PDE1C: variants seen among roughly 807,000 people sequenced by gnomAD.
PDE1C encodes phosphodiesterase 1C.
In PDE1C, 62 loss-of-function variants were observed where a neutral mutation model predicts 93.1. The observed-to-expected ratio is 0.67, with a 90% confidence interval of 0.54 to 0.82. The LOEUF is 0.82. Ranked by LOEUF, PDE1C falls within the 40% of genes least tolerant of loss-of-function variation. The probability of loss-of-function intolerance (pLI) is 0.00; values close to 1 mark genes in which losing one functional copy is unlikely to be tolerated. For missense variants in PDE1C, 742 were observed against 884.6 expected, an observed-to-expected ratio of 0.84 and a Z score of 2.04; for synonymous variants, 325 against 310.1, an observed-to-expected ratio of 1.05 and a Z score of -0.50.
At chr7:31,786,061 T>G (rs1392399619) in intron 16 of PDE1C, 1 of 152,232 alleles carries the variant, frequency 6.6e-6, no homozygotes, top group African/African-American at 2.4e-5. Flanking sequence ...AACATCTAAC[T>G]TTGCCATGGT....
At chr7:31,909,287 A>C (rs1286081803) in intron 2 of PDE1C, among the ~76,000 whole-genome samples, 1 of 152,176 alleles carries the variant, frequency 6.6e-6, no homozygotes, top group Non-Finnish European at 1.5e-5. Context: ...CTAACGAAAA[A>C]CAATTTTAAA....
intron 1 of PDE1C, among the ~76,000 whole-genome samples, chr7:32,246,946 T>A (rs10447633): frequency 0.16 from 25,056 of 152,194 alleles, 2,262 homozygotes; most frequent in East Asian, 0.3. Flanking sequence ...GCTGAAGGGA[T>A]AAATAAAATA....
chr7:31,633,938 C>G, the PDE1C span, among the ~76,000 whole-genome samples: 1 of 152,202 alleles, frequency 6.6e-6, no homozygotes, highest in African/African-American at 2.4e-5. Context: ...TCTGTGAACT[C>G]AGACTATTTT....
chr7:32,404,133 T>C (rs117213341), intron 1 of PDE1C, among the ~76,000 whole-genome samples: 2,472 of 152,262 alleles, frequency 0.016, 28 homozygotes, highest in Non-Finnish European at 0.024. Flanking sequence ...CTTGGGCATG[T>C]TCCTTAAGCT....
chr7:31,935,318 A>T (rs1804888353), intron 2 of PDE1C, among the ~76,000 whole-genome samples: 2 of 152,136 alleles, frequency 1.3e-5, no homozygotes, highest in Admixed American at 1.3e-4. Context: ...GGCATTCTCC[A>T]TTTCCTTTAC....
intron 1 of PDE1C, among the ~76,000 whole-genome samples, chr7:32,233,279 C>A (rs7786785): frequency 1 from 152,112 of 152,298 alleles, 75,964 homozygotes; most frequent in Middle Eastern, 1. Flanking sequence ...CGAGAAACAA[C>A]AAATAGAGTG....
chr7:32,022,369 A>C (rs965276903), intron 2 of PDE1C, among the ~76,000 whole-genome samples: 15 of 152,112 alleles, frequency 9.9e-5, no homozygotes, highest in Admixed American at 6.6e-5. Context: ...GAGAGGTATG[A>C]AATTTCTAGC....
chr7:32,427,765 C>T (rs1191006401), intron 1 of PDE1C: 3 of 152,268 alleles, frequency 2.0e-5, no homozygotes, highest in African/African-American at 7.2e-5. Flanking sequence ...TCTTTTCCCC[C>T]AGAAAGTCTC....
At chr7:32,222,631 G>A (rs1396764878) in intron 1 of PDE1C, among the ~76,000 whole-genome samples, 2 of 152,210 alleles carry the variant, frequency 1.3e-5, no homozygotes, top group Non-Finnish European at 2.9e-5. Context: ...TGTCTGGCTT[G>A]ACAAGCATAG....
the PDE1C span, among the ~76,000 whole-genome samples, chr7:31,679,681 G>T: frequency 1.3e-5 from 2 of 152,162 alleles, no homozygotes; most frequent in African/African-American, 4.8e-5. Flanking sequence ...ATATGTGCTT[G>T]CTCCCTCTGT....
intron 2 of PDE1C, among the ~76,000 whole-genome samples, chr7:31,966,471 G>T: frequency 6.6e-6 from 1 of 152,090 alleles, no homozygotes; most frequent in East Asian, 1.9e-4. Context: ...AGTCCTTAGT[G>T]ACCTACAAAG....
chr7:32,220,873 G>T (rs1246064925), intron 1 of PDE1C, among the ~76,000 whole-genome samples: 1 of 152,030 alleles, frequency 6.6e-6, no homozygotes, highest in Non-Finnish European at 1.5e-5. Flanking sequence ...ATCATGCATG[G>T]ATCCCCTACA....
intron 2 of PDE1C, among the ~76,000 whole-genome samples, chr7:32,181,689 A>G (rs1298656268): frequency 2.0e-5 from 3 of 152,266 alleles, no homozygotes; most frequent in Non-Finnish European, 4.4e-5. Flanking sequence ...TGCCCACAAG[A>G]GAAAGCAGGA....
chr7:31,869,561 C>G (rs1795683005), intron 6 of PDE1C, among the ~76,000 whole-genome samples: 1 of 151,950 alleles, frequency 6.6e-6, no homozygotes, highest in Non-Finnish European at 1.5e-5. Context: ...ATCAATTCAG[C>G]CAGAGGATAT....
At chr7:32,001,967 G>A (rs1421969668) in intron 2 of PDE1C, among the ~76,000 whole-genome samples, 4 of 152,174 alleles carry the variant, frequency 2.6e-5, no homozygotes, top group Admixed American at 6.5e-5. Flanking sequence ...GCTGAGGCAG[G>A]AGAATCACTT....
chr7:32,077,142 A>G (rs544504344), intron 3 of PDE1C, among the ~76,000 whole-genome samples: 1 of 152,324 alleles, frequency 6.6e-6, no homozygotes, highest in East Asian at 1.9e-4. Context: ...CAGGAAGCTG[A>G]GGCAGGAGAA....
At chr7:31,892,953 T>C (rs921253430) in intron 2 of PDE1C, among the ~76,000 whole-genome samples, 3 of 152,200 alleles carry the variant, frequency 2.0e-5, no homozygotes. Flanking sequence ...GTGAGGTAAT[T>C]GTTATGTTAA....
intron 3 of PDE1C, among the ~76,000 whole-genome samples, chr7:32,083,980 G>A (rs1330212625): frequency 1.3e-5 from 2 of 149,880 alleles, no homozygotes; most frequent in Admixed American, 6.6e-5. Flanking sequence ...CATAATGACA[G>A]GATCAAATTC....
chr7:32,395,657 G>A (rs1784828945), intron 1 of PDE1C, among the ~76,000 whole-genome samples: 1 of 152,056 alleles, frequency 6.6e-6, no homozygotes, highest in South Asian at 2.1e-4. Context: ...AAATTACAGA[G>A]AAAAAACTAC....
Sources: allele counts gnomAD v4.1 joint callset (sites outside exome capture counted in the v4.1 genomes callset), GRCh38; gene constraint gnomAD v4.1.1; transcripts MANE v1.5; gene names NCBI Gene and HGNC (gene_info 2026-07-23, HGNC 2026-07-21).